Variants in IGLL5 observed in about 807,000 individuals in gnomAD.
IGLL5 encodes immunoglobulin lambda like polypeptide 5, also known as immunoglobulin lambda-like polypeptide 5.
Under a neutral mutation model 20.9 loss-of-function variants are expected in IGLL5, and 30 were observed. The observed-to-expected ratio is 1.44, with a 90% CI of 1.07 to 1.95. IGLL5 has a LOEUF of 1.95. Among genes scored for constraint, IGLL5 ranks in the 30% most tolerant of loss-of-function variants. The pLI, the probability that IGLL5 is intolerant of heterozygous loss-of-function variation, is 0.00. For missense variants in IGLL5, 475 were observed against 270.7 expected (o/e 1.75, Z -5.30); for synonymous variants, 203 against 117.3 (o/e 1.73, Z -4.72).
chr22:22,888,584 A>T, intron 1 of IGLL5, among the ~76,000 whole-genome samples: 1 of 151,288 alleles, frequency 6.6e-6, no homozygotes, highest in South Asian at 2.1e-4. Context: ...GGACATCCAC[A>T]GGGGGTGGTG....
At chr22:22,890,618 T>C (rs2067812864) in intron 1 of IGLL5, among the ~76,000 whole-genome samples, 1 of 143,228 alleles carries the variant, frequency 7.0e-6, no homozygotes, top group Non-Finnish European at 1.5e-5. Flanking sequence ...CAAAGTGCAC[T>C]TATATATCTC....
chr22:22,890,828 T>A, intron 1 of IGLL5, among the ~76,000 whole-genome samples: 1 of 151,218 alleles, frequency 6.6e-6, no homozygotes, highest in African/African-American at 2.4e-5. Flanking sequence ...TTGAATGTGT[T>A]TATGGTTTTA....
Position 22,888,489 on chromosome 22 carries a change from GGCGCCACTTAAATT to G in IGLL5, c.206+231_206+244del, listed in dbSNP as rs2145980701. Among the ~76,000 whole-genome samples the G allele has an allele frequency of 1.3e-5, 2 of 151,340 alleles. 1 individual carries two copies. Among genetic ancestry groups the G allele is most frequent in the African/African-American group, 4.8e-5 (2 of 41,284 alleles). On this transcript the variant is annotated intron_variant, in intron 1 of 2. Coordinates refer to ENST00000526893, the MANE Select transcript of IGLL5 (RefSeq NM_001178126.2). The stretch of plus-strand genomic sequence containing the variant: ...ATTTTTCTTGATTTCTGAGTTTTCT[GGCGCCACTTAAATT>G]TTCACCAGGGTCAGTGCCTCAATCA...
At chr22:22,891,899 T>A (rs1264260631) in intron 1 of IGLL5, among the ~76,000 whole-genome samples, 1 of 151,168 alleles carries the variant, frequency 6.6e-6, no homozygotes, top group Admixed American at 6.6e-5. Flanking sequence ...CTTCAGCTGA[T>A]TCTCCGTGTG....
rs759339896 is a variant in IGLL5 at position 22,888,206 on chromosome 22, C to T, written c.153C>T (p.Asp51=). The change falls in exon 1 of 3, where the codon GAC becomes GAT. Residue 51 remains aspartate (D), a synonymous_variant. Coordinates refer to ENST00000526893, the MANE Select transcript of IGLL5 (RefSeq NM_001178126.2). ...TTGCACCGCAAAGCGGGGACCCAGA[C>T]CCTGGAGCCTCAGTTGGAAGCAGCC... ...PMVAPQSGDP[D]PGASVGSSRS... 7.1e-6 allele frequency: 11 copies of T among 1,548,622 alleles called. No homozygotes were observed. The highest frequency in any genetic ancestry group is 5.9e-5 in the Admixed American group (3 of 50,798).
intron 2 of IGLL5, 68 bp from the exon 3 acceptor site, chr22:22,895,307 G>C: frequency 6.9e-7 from 1 of 1,439,482 alleles, no homozygotes; most frequent in Non-Finnish European, 9.6e-7. Flanking sequence ...ACTTTAGACA[G>C]AGAGAGGGGC....
chr22:22,890,506 T>A (rs2067803522), intron 1 of IGLL5, among the ~76,000 whole-genome samples: 1 of 147,530 alleles, frequency 6.8e-6, no homozygotes, highest in South Asian at 2.2e-4. Flanking sequence ...AGCCAGAATT[T>A]ATTTCCACTA....
At chr22:22,891,371 C>A (rs2067842064) in intron 1 of IGLL5, among the ~76,000 whole-genome samples, 1 of 151,066 alleles carries the variant, frequency 6.6e-6, no homozygotes. Context: ...TGATTTATTA[C>A]ATTCTTTCTG....
At chr22:22,895,276 A>G (rs2146052937) in intron 2 of IGLL5, 99 bp from the exon 3 acceptor site, 1 of 1,144,988 alleles carries the variant, frequency 8.7e-7, no homozygotes, top group South Asian at 1.4e-5. Context: ...CCGGATGGCC[A>G]CACTGTGAAC....
intron 2 of IGLL5, among the ~76,000 whole-genome samples, chr22:22,894,779 A>G (rs2066696446): frequency 1.3e-5 from 2 of 151,050 alleles, no homozygotes; most frequent in South Asian, 2.1e-4. Flanking sequence ...AACATCTCAG[A>G]GCCTCAGAGG....
chr22:22,893,943 C>A (rs747947020), intron 2 of IGLL5, 125 bp downstream of exon 2: 8 of 753,416 alleles, frequency 1.1e-5, no homozygotes, highest in East Asian at 2.6e-5. Flanking sequence ...TTACCTTTCT[C>A]CATGGGGCCT....
chr22:22,893,987 G>T (rs151178621), intron 2 of IGLL5, among the ~76,000 whole-genome samples, 169 bp downstream of exon 2: 4 of 150,962 alleles, frequency 2.6e-5, no homozygotes, highest in South Asian at 2.1e-4. Flanking sequence ...GTAACCGGCA[G>T]GAAGGGCCTC....
intron 1 of IGLL5, among the ~76,000 whole-genome samples, chr22:22,888,496 C>G (rs371648653): frequency 1.3e-5 from 2 of 151,424 alleles, no homozygotes; most frequent in South Asian, 2.1e-4. Flanking sequence ...TCTGGCGCCA[C>G]TTAAATTTTC....
chr22:22,888,655 C>A (rs540833055), intron 1 of IGLL5, among the ~76,000 whole-genome samples: 4 of 151,272 alleles, frequency 2.6e-5, no homozygotes, highest in East Asian at 4.1e-4. Context: ...TGCCCATGTG[C>A]CTCCTGCCCA....
intron 2 of IGLL5, 135 bp downstream of exon 2, chr22:22,893,953 T>TGGAGGAG (rs1291469758): frequency 1.4e-6 from 1 of 715,834 alleles, no homozygotes; most frequent in Admixed American, 2.1e-5. Flanking sequence ...CCATGGGGCC[T>TGGAGGAG]GGAGGAGGTG....
rs1061567 is a variant in IGLL5 at position 22,895,543 on chromosome 22, A to C, written c.494A>C (p.Lys165Thr). The C allele has an allele frequency of 1.2e-4, 188 of 1,612,856 alleles. No homozygotes were observed. The highest frequency in any genetic ancestry group is 7.6e-4 in the East Asian group (34 of 44,668). The change falls in exon 3 of 3, where the codon AAA (lysine) becomes ACA (threonine). Residue 165 changes from lysine to threonine, a missense_variant. Physicochemically the swap from Lys to Thr is moderately conservative, Grantham distance 78. Coordinates refer to ENST00000526893, the MANE Select transcript of IGLL5 (RefSeq NM_001178126.2). ...SPVKAGVETTKPSKQSNNKYA... is the reference protein window; with the variant it reads ...SPVKAGVETTTPSKQSNNKYA... ...GTCAAGGCGGGAGTGGAGACCACCA[A>C]ACCCTCCAAACAGAGCAACAACAAG...
chr22:22,894,387 T>C (rs2068025278), intron 2 of IGLL5, among the ~76,000 whole-genome samples: 5 of 151,290 alleles, frequency 3.3e-5, no homozygotes, highest in South Asian at 4.2e-4. Context: ...CTGTGCTGGG[T>C]CATGAGGACA....
At position 22,894,104 on chromosome 22, in the gene IGLL5, A is replaced by C. The variant is rs191899075; in HGVS notation, c.325+286A>C. Among the ~76,000 whole-genome samples, 6 of 151,422 alleles carry C rather than the reference A, an allele frequency of 4.0e-5. 1 individual carries two copies. The highest frequency in any genetic ancestry group is 2.0e-4 in the East Asian group (1 of 4,960). On this transcript the variant is annotated intron_variant, in intron 2 of 2. Coordinates refer to ENST00000526893, the MANE Select transcript of IGLL5 (RefSeq NM_001178126.2). ...GGGCAGATGTCTGAGTGAGGGACAG[A>C]GGCTGGTTCTGATGAGGGGCCCTGC...
At chr22:22,894,037 T>G (rs2067971335) in intron 2 of IGLL5, among the ~76,000 whole-genome samples, 1 of 151,496 alleles carries the variant, frequency 6.6e-6, no homozygotes, top group South Asian at 2.1e-4. Flanking sequence ...TCCCGGGGCC[T>G]GAGCTGGGAT....
Sources: allele counts gnomAD v4.1 joint callset (sites outside exome capture counted in the v4.1 genomes callset), GRCh38; gene constraint gnomAD v4.1.1; transcripts MANE v1.5; gene names NCBI Gene and HGNC (gene_info 2026-07-23, HGNC 2026-07-21).